The following ZNF254 variants were observed in gnomAD, a reference collection of about 807,000 sequenced individuals.
ZNF254 encodes the protein CTD-2017D11.1.
A neutral mutation model predicts 12.4 loss-of-function variants in ZNF254; 10 were observed. That is an observed-to-expected ratio of 0.80 (90% CI 0.50 to 1.36). ZNF254 has a LOEUF of 1.36. ZNF254 is among the 40% of genes most tolerant of loss of function. The pLI, the probability that ZNF254 is intolerant of heterozygous loss-of-function variation, is 0.00. For synonymous variants in ZNF254, 305 were observed against 253.4 expected (o/e 1.20, Z -1.93); for missense variants, 996 against 763.9 (o/e 1.30, Z -3.58).
rs143852834 is a variant in ZNF254 at position 24,061,043 on chromosome 19, G to T, written c.-94+14764G>T. On this transcript the variant is annotated intron_variant, in intron 2 of 4. Coordinates refer to the ZNF254 transcript ENST00000613065. ...GTAATGTGATTCTTCTCCACTGCTT[G>T]GACTCTGTCACAGAAGGTATTGTGA... Among the ~76,000 whole-genome samples, 264 of 152,198 alleles carry T rather than the reference G, an allele frequency of 1.7e-3. 1 individual carries two copies. The highest frequency in any genetic ancestry group is 6.0e-3 in the African/African-American group (251 of 41,530).
chr19:24,045,728 C>T (rs1389682081), intron 1 of ZNF254, among the ~76,000 whole-genome samples: 4 of 150,850 alleles, frequency 2.7e-5, no homozygotes, highest in Non-Finnish European at 4.4e-5. Context: ...GAATTTTGAG[C>T]GCTAGCCATC....
chr19:24,052,157 A>T (rs1255784189), intron 2 of ZNF254, among the ~76,000 whole-genome samples: 1 of 152,084 alleles, frequency 6.6e-6, no homozygotes, highest in Non-Finnish European at 1.5e-5. Flanking sequence ...AGGGATTGTG[A>T]TGTGTTGCTG....
At chr19:24,105,700 CAT>C (rs1421811507) in intron 1 of ZNF254, 3 of 420,608 alleles carry the variant, frequency 7.1e-6, no homozygotes, top group Non-Finnish European at 1.2e-5. Context: ...TTCAATTTTA[CAT>C]GTTATCTTCC....
chr19:24,066,557 T>A (rs1356866863), intron 2 of ZNF254: 1 of 152,108 alleles, frequency 6.6e-6, no homozygotes, highest in African/African-American at 2.4e-5. Context: ...CATTTTGAAA[T>A]GTCTTTGTGG....
chr19:24,049,198 A>G (rs1382822684), intron 2 of ZNF254, among the ~76,000 whole-genome samples: 2 of 61,208 alleles, frequency 3.3e-5, no homozygotes, highest in East Asian at 5.8e-4. Flanking sequence ...ATATATATAT[A>G]TATATATATA....
chr19:24,044,305 G>A (rs1020246454), intron 1 of ZNF254, among the ~76,000 whole-genome samples: 8 of 151,770 alleles, frequency 5.3e-5, no homozygotes, highest in African/African-American at 1.7e-4. Flanking sequence ...TTGGGAGGCC[G>A]AGGCGGGTGG....
chr19:24,068,180 A>G (rs760433605), intron 2 of ZNF254, among the ~76,000 whole-genome samples: 2 of 152,114 alleles, frequency 1.3e-5, no homozygotes, highest in Non-Finnish European at 2.9e-5. Context: ...ATATTGTGGC[A>G]TATCACTGGG....
At position 24,126,645 on chromosome 19, in the gene ZNF254, T is replaced by A; in HGVS notation, c.645T>A (p.Cys215Ter). 6.2e-7 allele frequency: 1 copy of A among 1,611,604 alleles called. No homozygotes were observed. The highest frequency in any genetic ancestry group is 1.3e-5 in the African/African-American group (1 of 74,858). ...AGAAGTCCTACAAATGTAAAGAATG[T>A]GGAAAAACCTTTAATTGGTCCTCAA... ...HREKSYKCKE[C>*]GKTFNWSSTL... Residue 215 changes from cysteine to a stop codon, truncating the protein, a stop_gained, in exon 4 of 4, where the codon TGT (cysteine) becomes TGA (stop). Transcript: ENST00000357002. LOFTEE classifies it low-confidence loss of function (END_TRUNC).
chr19:24,060,294 G>A (rs1396398457), intron 2 of ZNF254, among the ~76,000 whole-genome samples: 1 of 152,144 alleles, frequency 6.6e-6, no homozygotes, highest in African/African-American at 2.4e-5. Context: ...TCTATTGCTG[G>A]TTTCAGCACC....
intron 2 of ZNF254, among the ~76,000 whole-genome samples, chr19:24,075,886 C>T (rs1033467933): frequency 6.6e-6 from 1 of 152,162 alleles, no homozygotes; most frequent in African/African-American, 2.4e-5. Context: ...CATTATTTTG[C>T]CAGGCCTGTT....
In ZNF254 at chr19:24,119,906, T is replaced by G. The variant is rs147702695; in HGVS notation, c.254-6348T>G. 5.3e-4 allele frequency among the ~76,000 whole-genome samples: 81 copies of G among 152,260 alleles called. 1 individual carries two copies. The East Asian group carries it at 0.014, about 26-fold the overall frequency. On this transcript the variant is annotated intron_variant, in intron 3 of 3. Transcript: ENST00000357002. Reference sequence around the variant, plus strand: ...TACTGTTTTATTGCCTTATTTTAATTGTGTAGTGACATGCTTCAATTATTT... The same window carrying G: ...TACTGTTTTATTGCCTTATTTTAATGGTGTAGTGACATGCTTCAATTATTT...
Position 24,048,334 on chromosome 19 carries a change from G to A in ZNF254, c.-94+2055G>A, listed in dbSNP as rs192054958. Among the ~76,000 whole-genome samples, 10 of 152,304 alleles carry A rather than the reference G, an allele frequency of 6.6e-5. No individual in the cohort carries two copies. In the East Asian group the frequency reaches 1.5e-3, roughly 24 times the overall value. ...ACGGGGACAGCTTCAGGCCGCAAGC[G>A]CCACACATGGCCCAGGGTGGAACTG... On this transcript the variant is annotated intron_variant, in intron 2 of 4. Coordinates refer to the ZNF254 transcript ENST00000613065.
intron 2 of ZNF254, among the ~76,000 whole-genome samples, chr19:24,056,159 C>G (rs1970845493): frequency 6.6e-6 from 1 of 152,156 alleles, no homozygotes; most frequent in Non-Finnish European, 1.5e-5. Flanking sequence ...CCTCCCCTGC[C>G]TTGGCACTGC....
intron 2 of ZNF254, among the ~76,000 whole-genome samples, chr19:24,059,047 GTAACAT>G (rs1214695254): frequency 6.6e-6 from 1 of 152,176 alleles, no homozygotes; most frequent in African/African-American, 2.4e-5. Context: ...AGCAAAGATT[GTAACAT>G]ACCGCTGGGC....
rs143129410 is a variant in ZNF254 at position 24,127,668 on chromosome 19, G to A, written c.1668G>A (p.Lys556=). The A allele has an allele frequency of 1.6e-5, 26 of 1,611,422 alleles. No individual in the cohort carries two copies. The highest frequency in any genetic ancestry group is 4.0e-5 in the African/African-American group (3 of 74,270). Residue 556 remains lysine, a synonymous_variant, in exon 4 of 4, where the codon AAG becomes AAA. Transcript: ENST00000357002. ...YKCEKCGKAF[K]QSSILTNHKR... ...GTGAAAAATGTGGCAAAGCCTTTAAGCAGTCTTCAATCCTTACTAACCATA... is the reference window on the plus strand; with the variant it reads ...GTGAAAAATGTGGCAAAGCCTTTAAACAGTCTTCAATCCTTACTAACCATA...
rs1260411531 is a variant in ZNF254, at chr19:24,127,757, C to T, written c.1757C>T (p.Ser586Phe). 9 of 1,612,248 alleles carry T rather than the reference C, an allele frequency of 5.6e-6. No homozygotes were observed. Among genetic ancestry groups the T allele is most frequent in the Non-Finnish European group, 7.6e-6 (9 of 1,179,428 alleles). ...GAATGTGGCAAATCTTTTAACCGGT[C>T]TTCAACTTTTACTAAACATAAGGTA... is the stretch of plus-strand genomic sequence containing the variant. ...CEECGKSFNR[S>F]STFTKHKVIH... Residue 586 changes from serine to phenylalanine, a missense_variant, in exon 4 of 4, where the codon TCT (serine) becomes TTT (phenylalanine). Coordinates refer to ENST00000357002, the MANE Select transcript of ZNF254 (RefSeq NM_203282.4).
chr19:24,090,885 T>C (rs1181994876), intron 1 of ZNF254, among the ~76,000 whole-genome samples: 3 of 152,126 alleles, frequency 2.0e-5, no homozygotes, highest in African/African-American at 7.2e-5. Flanking sequence ...TTTACCTTTT[T>C]CTTTCTCAGA....
chr19:24,122,379 C>T (rs1251893714), intron 3 of ZNF254, among the ~76,000 whole-genome samples: 3 of 152,124 alleles, frequency 2.0e-5, no homozygotes, highest in Non-Finnish European at 4.4e-5. Context: ...TGACCGCCAT[C>T]ATGCCTGGCT....
chr19:24,057,738 A>G (rs1970915013), intron 2 of ZNF254, among the ~76,000 whole-genome samples: 1 of 152,252 alleles, frequency 6.6e-6, no homozygotes, highest in Non-Finnish European at 1.5e-5. Context: ...CCAAGATTGA[A>G]CACACTGTTA....
Sources: allele counts gnomAD v4.1 joint callset (sites outside exome capture counted in the v4.1 genomes callset), GRCh38; gene constraint gnomAD v4.1.1; transcripts MANE v1.5; gene names NCBI Gene and HGNC (gene_info 2026-07-23, HGNC 2026-07-21).